Variants in HEG1 observed in about 807,000 individuals in gnomAD.
HEG1 encodes protein HEG homolog 1.
HEG1 carries 56 observed loss-of-function variants against 125.6 expected under a neutral mutation model. The observed-to-expected ratio is 0.45, with a 90% CI of 0.36 to 0.56. HEG1 has a LOEUF of 0.56. Among genes scored for constraint, HEG1 ranks in the 20% least tolerant of loss-of-function variants. The pLI is 0.00. For missense variants in HEG1, 1,523 were observed against 1,670.0 expected, an observed-to-expected ratio of 0.91 and a Z score of 1.53; for synonymous variants, 644 against 668.5, an observed-to-expected ratio of 0.96 and a Z score of 0.57.
At chr3:125,005,149 A>G (rs1937054074) in intron 9 of HEG1, 116 bp downstream of exon 9, 3 of 649,048 alleles carry the variant, frequency 4.6e-6, no homozygotes, top group African/African-American at 1.9e-5. Context: ...CCTTCCAAAT[A>G]TAACAAAAGT....
chr3:125,050,793 A>G (rs964846855), intron 1 of HEG1, among the ~76,000 whole-genome samples: 6 of 152,378 alleles, frequency 3.9e-5, no homozygotes, highest in African/African-American at 1.2e-4. Flanking sequence ...TTGATTTACA[A>G]ATCAGTCCAA....
At chr3:125,025,070 G>T (rs1937396806) in intron 3 of HEG1, among the ~76,000 whole-genome samples, 1 of 152,262 alleles carries the variant, frequency 6.6e-6, no homozygotes, top group South Asian at 2.1e-4. Context: ...GGCAGGTCCT[G>T]CTGGCTCTCT....
chr3:124,996,096 CT>C (rs533453772), intron 12 of HEG1, among the ~76,000 whole-genome samples: 156 of 144,588 alleles, frequency 1.1e-3, no homozygotes, highest in Admixed American at 9.0e-4. Context: ...CATTTGTTTT[CT>C]TTTTTTTTTT....
chr3:124,973,693 CG>C, intron 16 of HEG1, 37 bp downstream of exon 16: 9 of 1,536,004 alleles, frequency 5.9e-6, no homozygotes, highest in South Asian at 1.2e-5. Context: ...TCAGAGGAAC[CG>C]GGGGCCCTGG....
intron 1 of HEG1, among the ~76,000 whole-genome samples, chr3:125,053,182 T>C (rs1937852242): frequency 6.6e-6 from 1 of 152,168 alleles, no homozygotes; most frequent in Non-Finnish European, 1.5e-5. Flanking sequence ...GACATTTGCA[T>C]GGGACACATT....
rs1009256826 is a variant in HEG1, at chr3:124,969,841, C to G, written c.*811G>C. 6.6e-6 allele frequency: 1 copy of G among 152,232 alleles called. No homozygotes were observed. The highest frequency in any genetic ancestry group is 1.9e-4 in the East Asian group (1 of 5,198). The allele number at this position is 152,232 out of a possible 1,614,324, so 9.4% of individuals were successfully genotyped here. A position where few individuals can be genotyped will look rare whatever the true frequency, so the allele number is the denominator to read the frequency against. On this transcript the variant is annotated 3_prime_UTR_variant, in exon 17 of 17. Transcript: ENST00000311127. ...GGCCCTCATGGATGAAAAGTGCCCC[C>G]CTGCCTGCAATCTGCCTGCTGAGCC...
chr3:125,037,995 T>C (rs1285387645), intron 1 of HEG1, among the ~76,000 whole-genome samples: 2 of 152,338 alleles, frequency 1.3e-5, no homozygotes, highest in South Asian at 2.1e-4. Context: ...AAAGAGTGCC[T>C]GGTACACAGT....
chr3:125,018,778 G>C (rs1377245880), intron 5 of HEG1, among the ~76,000 whole-genome samples: 1 of 150,782 alleles, frequency 6.6e-6, no homozygotes. Context: ...ATATATAGGT[G>C]TATCTGTATC....
intron 1 of HEG1, among the ~76,000 whole-genome samples, chr3:125,036,209 C>CAAAAAAA (rs10658772): frequency 0.29 from 19,541 of 68,412 alleles, 2,894 homozygotes; most frequent in South Asian, 0.44. Flanking sequence ...GACCCTGTCT[C>CAAAAAAA]AAAAAAAAAA....
rs1484533290 is a variant in HEG1, at chr3:124,968,242, G to A, written c.*2410C>T. 1.3e-5 allele frequency: 2 copies of A among 152,322 alleles called. No individual in the cohort carries two copies. Among genetic ancestry groups the A allele is most frequent in the East Asian group, 3.9e-4 (2 of 5,186 alleles). 9.4% of individuals were successfully genotyped at this position (152,322 alleles called of 1,614,324 possible). ...CTAGGCGGGACCCTTCTGCAGCTAG[G>A]AACCCCGTGCAGGAGTGCAGCTGGC... On this transcript the variant is annotated 3_prime_UTR_variant, in exon 17 of 17. Coordinates refer to ENST00000311127, the MANE Select transcript of HEG1 (RefSeq NM_020733.2).
chr3:125,037,354 G>A (rs1406138859), intron 1 of HEG1, among the ~76,000 whole-genome samples: 4 of 152,226 alleles, frequency 2.6e-5, no homozygotes, highest in Non-Finnish European at 5.9e-5. Flanking sequence ...GGCCTCCTAA[G>A]GTAGGTGAAG....
At chr3:125,004,212 A>T (rs1937038928) in intron 9 of HEG1, among the ~76,000 whole-genome samples, 1 of 152,244 alleles carries the variant, frequency 6.6e-6, no homozygotes, top group South Asian at 2.1e-4. Flanking sequence ...TTTTACACAG[A>T]TAAAGTCCAA....
chr3:125,024,994 T>A (rs1383401766), intron 3 of HEG1, among the ~76,000 whole-genome samples: 1 of 152,196 alleles, frequency 6.6e-6, no homozygotes, highest in Non-Finnish European at 1.5e-5. Context: ...TGGCCAAGTG[T>A]TCACCTCCTT....
In HEG1 at chr3:125,055,740, C is replaced by A. The variant is rs1392934241; in HGVS notation, c.151G>T (p.Gly51Trp). 9.7e-7 allele frequency: 1 copy of A among 1,028,448 alleles called. No homozygotes were observed. Among genetic ancestry groups the A allele is most frequent in the Non-Finnish European group, 1.2e-6 (1 of 859,894 alleles). The allele number at this position is 1,028,448 out of a possible 1,614,324, so 63.7% of individuals were successfully genotyped here. Reference sequence around the variant, plus strand: ...CGGCGCTCCAGCTGCAGCTCCAGCCCCGCTCCCGCGAGGGGCGCCAGGCTC... The same window carrying A: ...CGGCGCTCCAGCTGCAGCTCCAGCCACGCTCCCGCGAGGGGCGCCAGGCTC... Reference protein sequence around the residue: ...ALSLAPLAGAGLELQLERRPE... With the variant: ...ALSLAPLAGAWLELQLERRPE... Residue 51 changes from glycine (G) to tryptophan (W), a missense_variant, in exon 1 of 17, where the codon GGG becomes TGG. By Grantham distance (184) the Gly-to-Trp change is radical. Transcript: ENST00000311127.
chr3:124,971,877 C>T (rs1390404919), intron 16 of HEG1: 1 of 150,684 alleles, frequency 6.6e-6, no homozygotes, highest in African/African-American at 2.5e-5. Flanking sequence ...TAACCTTGAC[C>T]TCCTGGGCTT....
intron 3 of HEG1, among the ~76,000 whole-genome samples, chr3:125,023,842 C>T (rs571356837): frequency 6.6e-6 from 1 of 152,322 alleles, no homozygotes; most frequent in South Asian, 2.1e-4. Flanking sequence ...AGAATGCCTA[C>T]TCGTCTGCTA....
At chr3:125,014,064 C>T (rs1041781026) in intron 5 of HEG1, 74 bp from the exon 6 acceptor site, 1 of 1,311,342 alleles carries the variant, frequency 7.6e-7, no homozygotes, top group Admixed American at 2.7e-5. Context: ...ATCAAACAGA[C>T]TTTCAGTGTC....
At chr3:124,980,564 T>C (rs527690741) in intron 14 of HEG1, among the ~76,000 whole-genome samples, 15 of 152,286 alleles carry the variant, frequency 9.8e-5, no homozygotes, top group Non-Finnish European at 1.9e-4. Flanking sequence ...TTGCCCAGGC[T>C]GGAGTGCAAT....
At chr3:124,982,762 C>G (rs558185895) in intron 14 of HEG1, among the ~76,000 whole-genome samples, 1 of 152,164 alleles carries the variant, frequency 6.6e-6, no homozygotes, top group Non-Finnish European at 1.5e-5. Flanking sequence ...CATCTGCAGC[C>G]GGGGGTGGGC....
Sources: allele counts gnomAD v4.1 joint callset (sites outside exome capture counted in the v4.1 genomes callset), GRCh38; gene constraint gnomAD v4.1.1; transcripts MANE v1.5; gene names NCBI Gene and HGNC (gene_info 2026-07-23, HGNC 2026-07-21).